Variants in UNC5C observed in about 807,000 individuals in gnomAD.
UNC5C encodes unc-5 netrin receptor C.
Under a neutral mutation model 99.8 loss-of-function variants are expected in UNC5C, and 47 were observed. The ratio of observed to expected loss-of-function variants is 0.47; its 90% CI spans 0.37 to 0.60. The LOEUF is 0.60. Ranked by LOEUF, UNC5C falls within the 20% of genes least tolerant of loss-of-function variation. The pLI, the probability that UNC5C is intolerant of heterozygous loss-of-function variation, is 0.00. For missense variants in UNC5C, 1,062 were observed against 1,165.9 expected, an observed-to-expected ratio of 0.91 and a Z score of 1.30; for synonymous variants, 487 against 452.2, an observed-to-expected ratio of 1.08 and a Z score of -0.98.
At chr4:95,452,833 A>G (rs2149468049) in intron 1 of UNC5C, among the ~76,000 whole-genome samples, 1 of 152,300 alleles carries the variant, frequency 6.6e-6, no homozygotes, top group South Asian at 2.1e-4. Flanking sequence ...ACCAGCATTC[A>G]TTATCTTCAA....
At chr4:95,227,851 G>C (rs969452764) in intron 7 of UNC5C, among the ~76,000 whole-genome samples, 9 of 152,108 alleles carry the variant, frequency 5.9e-5, no homozygotes, top group African/African-American at 2.2e-4. Flanking sequence ...GTTTACTGTA[G>C]ATTTGGATTA....
chr4:95,369,151 G>A (rs1490376188), intron 1 of UNC5C, among the ~76,000 whole-genome samples: 5 of 151,872 alleles, frequency 3.3e-5, no homozygotes, highest in South Asian at 2.1e-4. Context: ...GAGCCACTGC[G>A]ACCAGCCCAG....
chr4:95,356,022 T>C (rs1323286016), intron 1 of UNC5C, among the ~76,000 whole-genome samples: 2 of 151,588 alleles, frequency 1.3e-5, no homozygotes, highest in Admixed American at 1.3e-4. Flanking sequence ...AGACCCTGTA[T>C]CTACAAAAAA....
At chr4:95,341,838 C>G (rs1277513823) in intron 1 of UNC5C, among the ~76,000 whole-genome samples, 1 of 152,078 alleles carries the variant, frequency 6.6e-6, no homozygotes, top group African/African-American at 2.4e-5. Flanking sequence ...GAGAGAGAAT[C>G]TGTGTCCTTG....
At chr4:95,187,464 A>G (rs1736876054) in intron 12 of UNC5C, among the ~76,000 whole-genome samples, 1 of 152,180 alleles carries the variant, frequency 6.6e-6, no homozygotes, top group Admixed American at 6.5e-5. Context: ...CCTACAATCA[A>G]CATAGACTGC....
intron 4 of UNC5C, among the ~76,000 whole-genome samples, chr4:95,252,985 G>A (rs755413434): frequency 1.3e-5 from 2 of 152,156 alleles, no homozygotes; most frequent in Non-Finnish European, 2.9e-5. Context: ...TGAATTTCAT[G>A]TTTGAACTTG....
At position 95,548,771 on chromosome 4, in the gene UNC5C, G is replaced by C; in HGVS notation, c.87C>G (p.Ala29=). 1 of 1,613,422 alleles carries C rather than the reference G, an allele frequency of 6.2e-7. No homozygotes were observed. Among genetic ancestry groups the C allele is most frequent in the Non-Finnish European group, 8.5e-7 (1 of 1,179,940 alleles). The change falls in exon 1 of 16, where the codon GCC becomes GCG. Residue 29 remains alanine (A), a synonymous_variant. Coordinates refer to ENST00000453304, the MANE Select transcript of UNC5C (RefSeq NM_003728.4). ...LLQMLVLPAL[A]LLSASGTGSA... ...AGCCAGTGCCGCTGGCGCTGAGCAGGGCCAGGGCAGGTAGCACGAGCATTT... is the reference window on the plus strand; with the variant it reads ...AGCCAGTGCCGCTGGCGCTGAGCAGCGCCAGGGCAGGTAGCACGAGCATTT...
Position 95,335,671 on chromosome 4 carries a change from G to A in UNC5C, c.125-40C>T, listed in dbSNP as rs111807886. On this transcript the variant is annotated intron_variant, in intron 1 of 15. Coordinates refer to ENST00000453304, the MANE Select transcript of UNC5C (RefSeq NM_003728.4). ...GAAAGTGGAAGATGGTTAACACATT[G>A]TAACAACTTGCCTTCTACTTGCTAG... 84 of 1,507,536 alleles carry A rather than the reference G, an allele frequency of 5.6e-5. No individual in the cohort carries two copies. The African/African-American group carries it at 7.3e-4, about 13-fold the overall frequency. 93.4% of individuals were successfully genotyped at this position (1,507,536 alleles called of 1,614,324 possible).
chr4:95,202,085 C>T (rs1252582608), intron 12 of UNC5C, among the ~76,000 whole-genome samples: 2 of 152,182 alleles, frequency 1.3e-5, no homozygotes, highest in Non-Finnish European at 2.9e-5. Flanking sequence ...CCTGAGCTCC[C>T]ATATAGCACT....
chr4:95,429,280 T>TAAAAAAAAAAAAAAA (rs112203195), intron 1 of UNC5C, among the ~76,000 whole-genome samples: 2 of 94,958 alleles, frequency 2.1e-5, no homozygotes, highest in African/African-American at 6.0e-5. Context: ...TAGTGATTCT[T>TAAAAAAAAAAAAAAA]AAAAAAAAAA....
intron 4 of UNC5C, among the ~76,000 whole-genome samples, chr4:95,266,170 T>C (rs1740440868): frequency 6.6e-6 from 1 of 152,252 alleles, no homozygotes; most frequent in Non-Finnish European, 1.5e-5. Context: ...TAGTGGTTTA[T>C]GAGTCTTCAT....
At chr4:95,540,894 T>C (rs1238909112) in intron 1 of UNC5C, among the ~76,000 whole-genome samples, 2 of 152,178 alleles carry the variant, frequency 1.3e-5, no homozygotes, top group Admixed American at 1.3e-4. Context: ...TATAATAACA[T>C]AGTGCTCTTT....
intron 1 of UNC5C, among the ~76,000 whole-genome samples, chr4:95,408,359 T>A (rs534014923): frequency 1.7e-4 from 26 of 152,298 alleles, no homozygotes; most frequent in South Asian, 6.2e-4. Context: ...ATTTTTCACC[T>A]GCAACTTTCC....
chr4:95,393,343 AC>A (rs1166998973), intron 1 of UNC5C, among the ~76,000 whole-genome samples: 1 of 152,174 alleles, frequency 6.6e-6, no homozygotes, highest in Non-Finnish European at 1.5e-5. Context: ...AACTTTCGTG[AC>A]CCAGTCATAC....
chr4:95,445,319 A>G (rs1165827064), intron 1 of UNC5C, among the ~76,000 whole-genome samples: 1 of 138,248 alleles, frequency 7.2e-6, no homozygotes, highest in African/African-American at 2.6e-5. Context: ...AGATGAATTA[A>G]TTAGAGAAAT....
intron 12 of UNC5C, among the ~76,000 whole-genome samples, chr4:95,193,183 C>T (rs1737227685): frequency 6.6e-6 from 1 of 152,210 alleles, no homozygotes. Context: ...GCTGGATTTA[C>T]TGCTGCCACG....
At chr4:95,411,018 T>C (rs1255113397) in intron 1 of UNC5C, among the ~76,000 whole-genome samples, 1 of 152,192 alleles carries the variant, frequency 6.6e-6, no homozygotes, top group Non-Finnish European at 1.5e-5. Flanking sequence ...ATGCTTGGTT[T>C]AATTGTCTCT....
At chr4:95,202,666 C>T in intron 12 of UNC5C, 65 bp downstream of exon 12, 4 of 1,501,108 alleles carry the variant, frequency 2.7e-6, no homozygotes, top group African/African-American at 1.4e-5. Flanking sequence ...CAAGTGTGCA[C>T]AGCCGTGCAA....
chr4:95,544,352 G>A (rs190576372), intron 1 of UNC5C, among the ~76,000 whole-genome samples: 14 of 152,230 alleles, frequency 9.2e-5, no homozygotes, highest in Admixed American at 6.5e-4. Flanking sequence ...CTGTTGCAAC[G>A]CAAACTTAGC....
Sources: gnomAD v4.1 joint callset for allele counts (sites outside exome capture counted in the v4.1 genomes callset) on GRCh38, gnomAD v4.1.1 for gene constraint, MANE v1.5 for transcripts, NCBI Gene and HGNC (gene_info 2026-07-23, HGNC 2026-07-21) for gene names.